The following PCDH7 variants were observed in gnomAD, a reference collection of about 807,000 sequenced individuals.
PCDH7 encodes protocadherin 7.
Under a neutral mutation model 58.9 loss-of-function variants are expected in PCDH7, and 17 were observed. The ratio of observed to expected loss-of-function variants is 0.29; its 90% CI spans 0.20 to 0.43. The LOEUF is 0.43. Among genes scored for constraint, PCDH7 ranks in the 20% least tolerant of loss-of-function variants. The pLI is 1.00. For missense variants in PCDH7, 1,274 were observed against 1,441.0 expected, an observed-to-expected ratio of 0.88 and a Z score of 1.88; for synonymous variants, 664 against 616.4, an observed-to-expected ratio of 1.08 and a Z score of -1.14.
intron 3 of PCDH7, among the ~76,000 whole-genome samples, chr4:31,119,403 A>G (rs1391141381): frequency 1.3e-5 from 2 of 152,112 alleles, no homozygotes; most frequent in Non-Finnish European, 2.9e-5. Flanking sequence ...CTGAAAATCT[A>G]TATAAAGTTT....
At chr4:31,095,686 G>A (rs1245842702) in intron 3 of PCDH7, among the ~76,000 whole-genome samples, 2 of 152,120 alleles carry the variant, frequency 1.3e-5, no homozygotes, top group African/African-American at 4.8e-5. Flanking sequence ...CTTGGGAGTG[G>A]AGTATTTAAT....
intron 1 of PCDH7, among the ~76,000 whole-genome samples, chr4:30,760,401 A>C (rs1288318802): frequency 2.0e-5 from 3 of 152,086 alleles, no homozygotes; most frequent in African/African-American, 7.2e-5. Flanking sequence ...GAGGGAGCCA[A>C]ATTGTCTTTG....
intron 3 of PCDH7, among the ~76,000 whole-genome samples, chr4:30,965,573 A>G (rs566843969): frequency 6.6e-6 from 1 of 152,148 alleles, no homozygotes; most frequent in South Asian, 2.1e-4. Context: ...AAGCAAAGCA[A>G]AAGATTTTAA....
At chr4:31,027,393 T>C (rs1267246694) in intron 3 of PCDH7, among the ~76,000 whole-genome samples, 2 of 152,172 alleles carry the variant, frequency 1.3e-5, no homozygotes, top group Non-Finnish European at 2.9e-5. Flanking sequence ...ATTTATATGT[T>C]ATGTATGTGT....
At chr4:31,006,019 T>C (rs1015892027) in intron 3 of PCDH7, among the ~76,000 whole-genome samples, 4 of 152,194 alleles carry the variant, frequency 2.6e-5, no homozygotes, top group African/African-American at 9.6e-5. Flanking sequence ...ATAATATCTA[T>C]TTCATATAGC....
rs1713575503 is a variant in PCDH7, at chr4:30,721,668, C to A, written c.246C>A (p.Gly82=). 2.5e-6 allele frequency: 4 copies of A among 1,613,948 alleles called. No homozygotes were observed. The highest frequency in any genetic ancestry group is 2.5e-6 in the Non-Finnish European group (3 of 1,180,002). Reference sequence around the variant, plus strand: ...ACCTGAAGATCGACAACCTCACTGGCGAGCTGAGCACGAGCGAGCGGCGCA... The same window carrying A: ...ACCTGAAGATCGACAACCTCACTGGAGAGCTGAGCACGAGCGAGCGGCGCA... The change falls in exon 1 of 2, where the codon GGC becomes GGA. Residue 82 remains glycine (G), a synonymous_variant. Coordinates refer to ENST00000361762, the Ensembl canonical transcript of PCDH7. This position sits in a 1 kb window ranked among gnomAD's most constrained non-coding sequence, Gnocchi z 6.7.
chr4:30,809,819 G>C (rs1283005564), intron 1 of PCDH7, among the ~76,000 whole-genome samples: 1 of 152,020 alleles, frequency 6.6e-6, no homozygotes, highest in East Asian at 1.9e-4. Flanking sequence ...GAATGGGTTG[G>C]TCTGGTGTTT....
chr4:30,725,212 T>C lies in PCDH7; in HGVS notation c.3174+616T>C, dbSNP rs915625801. ...ATGCAAAACTCCACTTTCAATCTTT[T>C]ATATCTATAATAATCGATACCTATA... On this transcript the variant is annotated intron_variant, in intron 1 of 1. Transcript: ENST00000361762. 3.0e-6 allele frequency: 3 copies of C among 996,324 alleles called. No individual in the cohort carries two copies. The African/African-American group carries it at 5.2e-5, about 17-fold the overall frequency. The allele number at this position is 996,324 out of a possible 1,614,324, so 61.7% of individuals were successfully genotyped here.
At chr4:31,129,626 T>G (rs1718724919) in intron 3 of PCDH7, among the ~76,000 whole-genome samples, 1 of 152,080 alleles carries the variant, frequency 6.6e-6, no homozygotes, top group African/African-American at 2.4e-5. Context: ...TCTTTAAATT[T>G]TGTTATTATT....
chr4:31,027,402 G>T (rs1754523463), intron 3 of PCDH7, among the ~76,000 whole-genome samples: 1 of 151,960 alleles, frequency 6.6e-6, no homozygotes, highest in Non-Finnish European at 1.5e-5. Flanking sequence ...TTATGTATGT[G>T]TATGTATGTT....
intron 1 of PCDH7, among the ~76,000 whole-genome samples, chr4:30,812,359 T>C (rs1430325902): frequency 1.3e-5 from 2 of 152,208 alleles, no homozygotes; most frequent in Non-Finnish European, 2.9e-5. Context: ...TACTTGGAAA[T>C]ATATCATTTC....
chr4:31,053,807 C>T (rs1756939129), intron 3 of PCDH7, among the ~76,000 whole-genome samples: 1 of 151,868 alleles, frequency 6.6e-6, no homozygotes, highest in Non-Finnish European at 1.5e-5. Context: ...TATTATGATT[C>T]TTTTGATTTT....
intron 3 of PCDH7, among the ~76,000 whole-genome samples, chr4:30,964,246 ATTTAT>A (rs1363461294): frequency 2.0e-5 from 1 of 48,996 alleles, no homozygotes; most frequent in African/African-American, 2.5e-4. Flanking sequence ...TTATTTATTT[ATTTAT>A]TTTTTTTTGA....
chr4:30,925,907 A>G (rs1273769016), intron 2 of PCDH7: 1 of 152,242 alleles, frequency 6.6e-6, no homozygotes. Context: ...CAGTGCTGTA[A>G]GTAGAATCTA....
At chr4:30,947,298 A>C (rs984134163) in intron 2 of PCDH7, among the ~76,000 whole-genome samples, 3 of 152,120 alleles carry the variant, frequency 2.0e-5, no homozygotes, top group African/African-American at 7.2e-5. Flanking sequence ...GGGAAAAAAA[A>C]CTTATTACAA....
intron 3 of PCDH7, among the ~76,000 whole-genome samples, chr4:31,067,002 G>C (rs1276229146): frequency 6.6e-6 from 1 of 151,988 alleles, no homozygotes; most frequent in Non-Finnish European, 1.5e-5. Context: ...GATCATGATA[G>C]AGTAGAACAA....
intron 3 of PCDH7, among the ~76,000 whole-genome samples, chr4:31,131,875 G>A (rs562055436): frequency 1.3e-5 from 2 of 152,128 alleles, no homozygotes; most frequent in African/African-American, 2.4e-5. Context: ...AAATGCATGG[G>A]TGTCATATTT....
chr4:30,829,387 A>G (rs1332016671), intron 1 of PCDH7, among the ~76,000 whole-genome samples: 1 of 152,112 alleles, frequency 6.6e-6, no homozygotes, highest in Non-Finnish European at 1.5e-5. Context: ...TCAGATTTAC[A>G]CAAATGTGAT....
chr4:30,771,538 A>T (rs145376354), intron 1 of PCDH7, among the ~76,000 whole-genome samples: 71 of 152,282 alleles, frequency 4.7e-4, no homozygotes, highest in African/African-American at 1.7e-3. Context: ...CCTAAAATCT[A>T]TTCTCCTCCT....
Sources: gnomAD v4.1 joint callset for allele counts (sites outside exome capture counted in the v4.1 genomes callset) on GRCh38, gnomAD v4.1.1 for gene constraint, Gnocchi (gnomAD v3.1) non-coding constraint, MANE v1.5 for transcripts, NCBI Gene and HGNC (gene_info 2026-07-23, HGNC 2026-07-21) for gene names.